REV1: variants seen among roughly 807,000 people sequenced by gnomAD.
The protein encoded by REV1 is REV1 DNA directed polymerase, also known as translesion synthesis protein REV1.
A neutral mutation model predicts 137.4 loss-of-function variants in REV1; 42 were observed. That is an observed-to-expected ratio of 0.31 (90% CI 0.24 to 0.40). REV1 has a LOEUF of 0.40. REV1 is among the 10% of genes least tolerant of loss of function. The pLI, the probability that REV1 is intolerant of heterozygous loss-of-function variation, is 1.00. For synonymous variants in REV1, 524 were observed against 519.2 expected (o/e 1.01, Z -0.12); for missense variants, 1,282 against 1,490.1 (o/e 0.86, Z 2.30).
intron 22 of REV1, 33 bp downstream of exon 22, chr2:99,402,208 ATTT>A (rs758324395): frequency 1.1e-6 from 1 of 903,412 alleles, no homozygotes; most frequent in African/African-American, 1.7e-5. Context: ...GTGACATGCC[ATTT>A]TTTCCCATTT....
chr2:99,435,340 C>G (rs998619315), intron 7 of REV1: 2 of 152,310 alleles, frequency 1.3e-5, no homozygotes, highest in African/African-American at 4.8e-5. Flanking sequence ...TCACAAATAT[C>G]TGCAATTTCA....
chr2:99,410,708 C>G lies in REV1; in HGVS notation c.2332G>C (p.Asp778His). ...TAKFGGHGIC[D>H]NIARTVTLDQ... The stretch of plus-strand genomic sequence containing the variant: ...AGGTGAGCTTACCTGGCAATGTTAT[C>G]ACAAATTCCATGGCCTCCAAATTTT... The change falls in exon 14 of 23, where the codon GAT becomes CAT. Residue 778 changes from aspartate to histidine, a missense_variant. Asp to His is a moderately conservative substitution (Grantham distance 81). Around this residue, in one of 7 missense-constraint regions of REV1, gnomAD observed 372 missense variants for 482.3 expected, o/e 0.77. Coordinates refer to ENST00000258428, the MANE Select transcript of REV1 (RefSeq NM_016316.4). 1 of 1,588,080 alleles carries G rather than the reference C, an allele frequency of 6.3e-7. No homozygotes were observed. The highest frequency in any genetic ancestry group is 8.5e-7 in the Non-Finnish European group (1 of 1,173,094).
intron 2 of REV1, 53 bp from the exon 3 acceptor site, chr2:99,462,675 T>A (rs1411094509): frequency 1.3e-5 from 20 of 1,560,710 alleles, no homozygotes; most frequent in Non-Finnish European, 1.6e-5. Context: ...TTCTCCCCCC[T>A]TTTTTGAAAA....
chr2:99,421,978 C>G (rs1678746337), intron 10 of REV1, among the ~76,000 whole-genome samples: 1 of 152,166 alleles, frequency 6.6e-6, no homozygotes, highest in Non-Finnish European at 1.5e-5. Flanking sequence ...ACTGACAATA[C>G]TTCTATAAAC....
chr2:99,412,589 A>G (rs1677328827), intron 13 of REV1, 142 bp downstream of exon 13: 2 of 659,920 alleles, frequency 3.0e-6, no homozygotes, highest in Non-Finnish European at 5.3e-6. Flanking sequence ...AGTGCCTTAA[A>G]AGGCCTTCTT....
At chr2:99,489,019 G>A (rs1575281974) in intron 1 of REV1, among the ~76,000 whole-genome samples, 1 of 152,206 alleles carries the variant, frequency 6.6e-6, no homozygotes, top group Non-Finnish European at 1.5e-5. Context: ...TTACGGAGGA[G>A]TACATTAAGG....
At chr2:99,472,456 G>A (rs1685526285) in intron 1 of REV1, among the ~76,000 whole-genome samples, 1 of 152,180 alleles carries the variant, frequency 6.6e-6, no homozygotes, top group South Asian at 2.1e-4. Flanking sequence ...GGATAGTGGT[G>A]ATGGTTGCAC....
At chr2:99,477,026 G>T (rs1686053167) in intron 1 of REV1, among the ~76,000 whole-genome samples, 1 of 152,146 alleles carries the variant, frequency 6.6e-6, no homozygotes, top group African/African-American at 2.4e-5. Flanking sequence ...TTAACCTAAG[G>T]ATGGTGTGGA....
At chr2:99,414,754 G>A (rs1032059557) in intron 12 of REV1, among the ~76,000 whole-genome samples, 1 of 152,094 alleles carries the variant, frequency 6.6e-6, no homozygotes, top group Non-Finnish European at 1.5e-5. Context: ...CCCATAATCT[G>A]ACCATGATCT....
At chr2:99,433,468 C>T (rs28382899) in intron 8 of REV1, among the ~76,000 whole-genome samples, 4 of 152,024 alleles carry the variant, frequency 2.6e-5, no homozygotes, top group African/African-American at 9.7e-5. Context: ...GACTATAATC[C>T]CAAAAAAGGT....
Position 99,438,742 on chromosome 2 carries a change from G to A in REV1, c.1072C>T (p.Leu358=), listed in dbSNP as rs753785692. The stretch of plus-strand genomic sequence containing the variant: ...CACTTCCACATTGATATGTGATGCA[G>A]TCTTGAATGAGAATAGAAGTTTGAA... ...FISNFYSHSR[L]HHISMWKCEL... The change falls in exon 6 of 23, where the codon CTG becomes TTG. Residue 358 remains leucine, a synonymous_variant. Coordinates refer to ENST00000258428, the MANE Select transcript of REV1 (RefSeq NM_016316.4). The A allele has an allele frequency of 6.2e-7, 1 of 1,614,116 alleles. No homozygotes were observed. Among genetic ancestry groups the A allele is most frequent in the Non-Finnish European group, 8.5e-7 (1 of 1,179,930 alleles).
At position 99,438,622 on chromosome 2, in the gene REV1, C is replaced by T. The variant is rs1250518523; in HGVS notation, c.1192G>A (p.Ala398Thr). ...KLKKMKTGRS[A>T]LVVTDTGDMS... ...CTACCTGTGTCAGTTACAACAAGTG[C>T]AGACCTGCCTGTTTTCATTTTTTTT... Residue 398 changes from alanine to threonine, a missense_variant, in exon 6 of 23, where the codon GCA (alanine) becomes ACA (threonine). Physicochemically the swap from Ala to Thr is moderately conservative, Grantham distance 58. Transcript: ENST00000258428. 6.2e-7 allele frequency: 1 copy of T among 1,613,082 alleles called. No homozygotes were observed. Among genetic ancestry groups the T allele is most frequent in the East Asian group, 2.2e-5 (1 of 44,878 alleles).
At chr2:99,444,067 G>A (rs559285350) in intron 4 of REV1, among the ~76,000 whole-genome samples, 27 of 152,200 alleles carry the variant, frequency 1.8e-4, no homozygotes, top group South Asian at 1.0e-3. Context: ...TGATCCACCC[G>A]CCTCTGCCTC....
chr2:99,462,920 T>G (rs926443108), intron 2 of REV1: 1 of 207,488 alleles, frequency 4.8e-6, no homozygotes, highest in African/African-American at 2.4e-5. Context: ...AAACCCCGTC[T>G]CTACTAAAAA....
chr2:99,455,876 A>C (rs1683482097), intron 3 of REV1, among the ~76,000 whole-genome samples: 1 of 152,192 alleles, frequency 6.6e-6, no homozygotes, highest in African/African-American at 2.4e-5. Flanking sequence ...GTGCTAAAGT[A>C]CTTGTCCGGG....
intron 21 of REV1, 102 bp downstream of exon 21, chr2:99,402,542 T>TA (rs1375356303): frequency 2.5e-6 from 3 of 1,198,458 alleles, no homozygotes; most frequent in African/African-American, 1.5e-5. Flanking sequence ...TTATCAGAGT[T>TA]AGAGAAATGG....
intron 1 of REV1, among the ~76,000 whole-genome samples, chr2:99,486,455 G>A (rs1687144414): frequency 6.6e-6 from 1 of 152,190 alleles, no homozygotes; most frequent in African/African-American, 2.4e-5. Flanking sequence ...CGTGAACCCA[G>A]GAGGTGGAGC....
At chr2:99,424,096 C>T in intron 10 of REV1, 56 bp downstream of exon 10, 7 of 1,571,806 alleles carry the variant, frequency 4.5e-6, no homozygotes, top group Non-Finnish European at 6.1e-6. Flanking sequence ...ACTGTCTTTA[C>T]TATTAGCTAA....
intron 12 of REV1, among the ~76,000 whole-genome samples, chr2:99,414,835 CT>C (rs1423884187): frequency 6.6e-6 from 1 of 152,154 alleles, no homozygotes; most frequent in Non-Finnish European, 1.5e-5. Flanking sequence ...AATCATCATC[CT>C]GGGTTGTGTT....
Sources: allele counts gnomAD v4.1 joint callset (sites outside exome capture counted in the v4.1 genomes callset), GRCh38; gene constraint gnomAD v4.1.1; regional missense constraint gnomAD v4.1.1; transcripts MANE v1.5; gene names NCBI Gene and HGNC (gene_info 2026-07-23, HGNC 2026-07-21).